ASPH: variants seen among roughly 807,000 people sequenced by gnomAD.
ASPH encodes aspartate beta-hydroxylase, also known as aspartyl/asparaginyl beta-hydroxylase.
A neutral mutation model predicts 118.4 loss-of-function variants in ASPH; 100 were observed. The observed-to-expected ratio is 0.84, with a 90% CI of 0.72 to 1.00. ASPH has a LOEUF of 1.00. Ranked by LOEUF, ASPH falls within the 50% of genes least tolerant of loss-of-function variation. The pLI is 0.00. For synonymous variants in ASPH, 315 were observed against 325.6 expected (o/e 0.97, Z 0.35); for missense variants, 920 against 919.5 (o/e 1.00, Z -0.01).
intron 1 of ASPH, chr8:61,684,588 T>C (rs578002961): frequency 6.2e-6 from 1 of 161,634 alleles, no homozygotes; most frequent in South Asian, 1.7e-4. Flanking sequence ...TCTTAAAAAC[T>C]CTGTTAACAC....
At chr8:61,666,744 A>T (rs975743156) in intron 3 of ASPH, among the ~76,000 whole-genome samples, 2 of 152,138 alleles carry the variant, frequency 1.3e-5, no homozygotes, top group African/African-American at 4.8e-5. Flanking sequence ...CTTCCTAAAA[A>T]ACCTTATTAC....
At chr8:61,560,187 A>T (rs1829310785) in intron 18 of ASPH, among the ~76,000 whole-genome samples, 1 of 152,164 alleles carries the variant, frequency 6.6e-6, no homozygotes, top group Non-Finnish European at 1.5e-5. Context: ...GAATGGGTAT[A>T]CGTGAGCAGT....
At chr8:61,642,656 G>A (rs574212071) in intron 10 of ASPH, among the ~76,000 whole-genome samples, 14 of 152,110 alleles carry the variant, frequency 9.2e-5, no homozygotes, top group African/African-American at 2.6e-4. Flanking sequence ...ACCTGAGATC[G>A]GGAGTTTGAG....
intron 3 of ASPH, chr8:61,665,684 G>T: frequency 7.1e-7 from 1 of 1,416,158 alleles, no homozygotes. Flanking sequence ...TTAGTGAAAA[G>T]GTATTCTCTT....
At chr8:61,537,827 C>CT (rs1174555737) in intron 21 of ASPH, among the ~76,000 whole-genome samples, 2 of 151,170 alleles carry the variant, frequency 1.3e-5, no homozygotes, top group Non-Finnish European at 3.0e-5. Context: ...ATTTGTAGGT[C>CT]TTTTTTTTTC....
At chr8:61,674,094 A>G (rs1824021920) in intron 3 of ASPH, among the ~76,000 whole-genome samples, 1 of 152,202 alleles carries the variant, frequency 6.6e-6, no homozygotes, top group Non-Finnish European at 1.5e-5. Context: ...ACAAAATTTA[A>G]TCATTTACTT....
At chr8:61,536,198 C>A (rs1819530366) in intron 21 of ASPH, among the ~76,000 whole-genome samples, 1 of 152,032 alleles carries the variant, frequency 6.6e-6, no homozygotes, top group Non-Finnish European at 1.5e-5. Flanking sequence ...CGCCACCATG[C>A]CTGGCTAATT....
intron 1 of ASPH, 55 bp from the exon 2 acceptor site, chr8:61,684,243 T>G: frequency 6.6e-7 from 1 of 1,511,362 alleles, no homozygotes; most frequent in Admixed American, 2.0e-5. Flanking sequence ...ACTGAACACT[T>G]ATTCTCACAA....
At chr8:61,633,252 C>G (rs1856372350) in intron 13 of ASPH, 2 of 156,338 alleles carry the variant, frequency 1.3e-5, no homozygotes, top group Admixed American at 6.5e-5. Flanking sequence ...TGGACTGTCA[C>G]AAAGCACTAA....
intron 1 of ASPH, 105 bp downstream of exon 1, chr8:61,714,164 G>A (rs909649652): frequency 1.0e-5 from 13 of 1,270,664 alleles, no homozygotes; most frequent in Non-Finnish European, 1.2e-5. Flanking sequence ...GGATGGAGGC[G>A]GCGCGCGGTG....
chr8:61,664,155 A>G, intron 3 of ASPH: 1 of 965,588 alleles, frequency 1.0e-6, no homozygotes. Flanking sequence ...AGAATAGTAC[A>G]AACCATTTGT....
chr8:61,645,884 T>A (rs2151016382), intron 6 of ASPH, among the ~76,000 whole-genome samples: 1 of 152,190 alleles, frequency 6.6e-6, no homozygotes, highest in East Asian at 1.9e-4. Context: ...TTTTTATGCT[T>A]TTAAAAAGTG....
chr8:61,559,767 A>C (rs11786232), intron 18 of ASPH, among the ~76,000 whole-genome samples: 80,947 of 152,086 alleles, frequency 0.53, 25,631 homozygotes, highest in Non-Finnish European at 0.7. Flanking sequence ...GGGTACATAC[A>C]TGTACACATA....
chr8:61,537,236 T>C (rs1335300167), intron 21 of ASPH, among the ~76,000 whole-genome samples: 3 of 152,174 alleles, frequency 2.0e-5, no homozygotes, highest in Admixed American at 1.3e-4. Context: ...AACAGTGCAC[T>C]AAGGGACATC....
chr8:61,554,711 G>A (rs1343426074), intron 19 of ASPH, among the ~76,000 whole-genome samples: 1 of 151,704 alleles, frequency 6.6e-6, no homozygotes, highest in Non-Finnish European at 1.5e-5. Flanking sequence ...GTCTTGCTCT[G>A]TTTTTTTTGT....
At chr8:61,544,372 T>G (rs563981727) in intron 21 of ASPH, among the ~76,000 whole-genome samples, 2 of 152,378 alleles carry the variant, frequency 1.3e-5, no homozygotes, top group Admixed American at 1.3e-4. Context: ...GCCATTCTGA[T>G]GTTCTGCCTC....
intron 3 of ASPH, chr8:61,675,771 T>C (rs1357717940): frequency 7.9e-6 from 9 of 1,136,620 alleles, no homozygotes; most frequent in Non-Finnish European, 9.7e-6. Context: ...TTTAGTTCAG[T>C]GAATACATGA....
chr8:61,609,937 GGTTAAA>G, intron 14 of ASPH, among the ~76,000 whole-genome samples: 1 of 151,974 alleles, frequency 6.6e-6, no homozygotes, highest in East Asian at 1.9e-4. Flanking sequence ...AAGCATATGT[GGTTAAA>G]GTTAATCTTT....
At position 61,683,963 on chromosome 8, in the gene ASPH, A is replaced by T; in HGVS notation, c.253+76T>A. The T allele has an allele frequency of 6.6e-6, 10 of 1,505,812 alleles. No homozygotes were observed. The South Asian group carries it at 1.2e-4, about 18-fold the overall frequency. The allele number at this position is 1,505,812 out of a possible 1,614,324, so 93.3% of individuals were successfully genotyped here. On this transcript the variant is annotated intron_variant, in intron 2 of 24. Transcript: ENST00000379454. ...AGAAATTACCAGTACCAGAAAGATG[A>T]TAACAAATATTCAAGACTCCTAAGA...
Sources: allele counts gnomAD v4.1 joint callset (sites outside exome capture counted in the v4.1 genomes callset), GRCh38; gene constraint gnomAD v4.1.1; transcripts MANE v1.5; gene names NCBI Gene and HGNC (gene_info 2026-07-23, HGNC 2026-07-21).